Variants in SNTB2 observed in about 807,000 individuals in gnomAD.
SNTB2 encodes the protein syntrophin beta 2, also known as beta-2-syntrophin.
Under a neutral mutation model 46.2 loss-of-function variants are expected in SNTB2, and 34 were observed. That is an observed-to-expected ratio of 0.74 (90% CI 0.56 to 0.98). The LOEUF (loss-of-function observed/expected upper bound fraction) is 0.98, where lower values mean the gene tolerates loss of function less well. Ranked by LOEUF, SNTB2 falls within the 50% of genes least tolerant of loss-of-function variation. SNTB2 has a pLI of 0.00. For missense variants in SNTB2, 603 were observed against 731.4 expected (o/e 0.82, Z 2.02); for synonymous variants, 290 against 312.6 (o/e 0.93, Z 0.76).
rs575136798 is a variant in SNTB2 at position 69,274,422 on chromosome 16, G to A, written c.1148+4137G>A. ...TAATCCCAGCACTTTGGGAGGCCAC[G>A]GCGGGTGGATCACGAGGTCAGGAGA... On this transcript the variant is annotated intron_variant, in intron 4 of 6. Transcript: ENST00000336278. Among the ~76,000 whole-genome samples, 105 of 151,946 alleles carry A rather than the reference G, an allele frequency of 6.9e-4. 1 individual carries two copies. The highest frequency in any genetic ancestry group is 2.5e-3 in the African/African-American group (103 of 41,452).
At chr16:69,188,366 T>C (rs1964015695) in intron 1 of SNTB2, among the ~76,000 whole-genome samples, 1 of 152,216 alleles carries the variant, frequency 6.6e-6, no homozygotes, top group Non-Finnish European at 1.5e-5. Context: ...TACTGCCAAC[T>C]AGAGTTTTGC....
rs1965324969 is a variant in SNTB2, at chr16:69,307,489, A to T, written c.*6565A>T. 6.6e-6 allele frequency: 1 copy of T among 151,934 alleles called. No individual in the cohort carries two copies. 9.4% of individuals were successfully genotyped at this position (151,934 alleles called of 1,614,324 possible). On this transcript the variant is annotated 3_prime_UTR_variant, in exon 7 of 7. Transcript: ENST00000336278. ...AATTAAGTTTTATTGCACAAAGTAGATAAATGAGAAAGTCTTTCTTAAAAA... is the reference window on the plus strand; with the variant it reads ...AATTAAGTTTTATTGCACAAAGTAGTTAAATGAGAAAGTCTTTCTTAAAAA...
intron 1 of SNTB2, chr16:69,230,818 C>A: frequency 6.6e-6 from 1 of 150,994 alleles, no homozygotes; most frequent in Non-Finnish European, 1.5e-5. Flanking sequence ...GATCTCCGCT[C>A]ACTGCAAGCT....
intron 5 of SNTB2, among the ~76,000 whole-genome samples, chr16:69,285,920 A>G (rs1965098429): frequency 6.6e-6 from 1 of 152,034 alleles, no homozygotes; most frequent in Admixed American, 6.5e-5. Flanking sequence ...AGCCTTCTGA[A>G]TAGCTGGGAT....
At position 69,239,136 on chromosome 16, in the gene SNTB2, C is replaced by T. The variant is rs149463146; in HGVS notation, c.581-6466C>T. On this transcript the variant is annotated intron_variant, in intron 1 of 6. Coordinates refer to ENST00000336278, the MANE Select transcript of SNTB2 (RefSeq NM_006750.4). ...GTCTCCCTGGCTGGAATGTTTCTCC[C>T]AGATATTTGCATGGCCAACTCCCCC... Among the ~76,000 whole-genome samples the T allele has an allele frequency of 1.2e-4, 18 of 152,258 alleles. No homozygotes were observed. The East Asian group carries it at 3.3e-3, about 28-fold the overall frequency.
chr16:69,272,322 T>C (rs1964944840), intron 4 of SNTB2, among the ~76,000 whole-genome samples: 1 of 151,888 alleles, frequency 6.6e-6, no homozygotes, highest in Non-Finnish European at 1.5e-5. Flanking sequence ...AGGCCTATCA[T>C]CTGAGGTCAG....
intron 1 of SNTB2, chr16:69,240,870 G>A (rs1964605617): frequency 6.6e-6 from 1 of 152,382 alleles, no homozygotes. Flanking sequence ...TTATTTGTTT[G>A]TTTGTTTGAG....
intron 4 of SNTB2, among the ~76,000 whole-genome samples, chr16:69,281,995 T>G (rs1965053351): frequency 7.1e-6 from 1 of 140,636 alleles, no homozygotes; most frequent in Non-Finnish European, 1.5e-5. Flanking sequence ...ACCTCCACCT[T>G]CCCGGGTTCA....
Position 69,229,715 on chromosome 16 carries a change from G to A in SNTB2, c.581-15887G>A, listed in dbSNP as rs866153820. The stretch of plus-strand genomic sequence containing the variant: ...AAATTATCTGGGCATAGTGGCGCAC[G>A]CCTGTAGTCTCAGCTACTTGGGAGG... On this transcript the variant is annotated intron_variant, in intron 1 of 6. Transcript: ENST00000336278. Among the ~76,000 whole-genome samples the A allele has an allele frequency of 6.0e-5, 9 of 151,232 alleles. No homozygotes were observed. In the South Asian group the frequency reaches 6.3e-4, roughly 11 times the overall value.
At chr16:69,298,415 C>T (rs1965247011) in intron 5 of SNTB2, among the ~76,000 whole-genome samples, 1 of 152,008 alleles carries the variant, frequency 6.6e-6, no homozygotes, top group Non-Finnish European at 1.5e-5. Flanking sequence ...TGTCACGGCT[C>T]CTGAAAGGCC....
At chr16:69,235,695 T>G in intron 1 of SNTB2, 1 of 1,273,132 alleles carries the variant, frequency 7.9e-7, no homozygotes, top group South Asian at 1.3e-5. Flanking sequence ...TTCAAACTGC[T>G]GTATCCCCAG....
chr16:69,307,389 A>G lies in SNTB2; in HGVS notation c.*6465A>G, dbSNP rs1336357274. 1 of 152,046 alleles carries G rather than the reference A, an allele frequency of 6.6e-6. No individual in the cohort carries two copies. Among genetic ancestry groups the G allele is most frequent in the Non-Finnish European group, 1.5e-5 (1 of 67,978 alleles). The allele number at this position is 152,046 out of a possible 1,614,324, so 9.4% of individuals were successfully genotyped here. On this transcript the variant is annotated 3_prime_UTR_variant, in exon 7 of 7. Transcript: ENST00000336278. Reference sequence around the variant, plus strand: ...TTTCATCATGCATGATTTTTTTTTTAGTGCAAATTTAGACTTTAGTTTGGG... The same window carrying G: ...TTTCATCATGCATGATTTTTTTTTTGGTGCAAATTTAGACTTTAGTTTGGG...
At chr16:69,238,013 CCTTG>C (rs2152295891) in intron 1 of SNTB2, among the ~76,000 whole-genome samples, 1 of 152,290 alleles carries the variant, frequency 6.6e-6, no homozygotes, top group African/African-American at 2.4e-5. Context: ...GTACTCACTT[CCTTG>C]CTTGTGCTGG....
intron 1 of SNTB2, among the ~76,000 whole-genome samples, chr16:69,238,851 T>C (rs150326026): frequency 2.6e-5 from 4 of 152,306 alleles, no homozygotes; most frequent in African/African-American, 9.6e-5. Context: ...GTCTTCCTGC[T>C]TTTGCCTTGG....
At chr16:69,277,045 CAT>C (rs1189288189) in intron 4 of SNTB2, among the ~76,000 whole-genome samples, 1 of 152,168 alleles carries the variant, frequency 6.6e-6, no homozygotes, top group Non-Finnish European at 1.5e-5. Flanking sequence ...AGGAAAAGCA[CAT>C]GTGTGATTGA....
At chr16:69,296,700 C>A (rs562150837) in intron 5 of SNTB2, among the ~76,000 whole-genome samples, 1 of 144,282 alleles carries the variant, frequency 6.9e-6, no homozygotes, top group African/African-American at 2.6e-5. Context: ...GCAGCCTGGC[C>A]GACAGAGAGA....
At chr16:69,249,243 C>T (rs560644351) in intron 2 of SNTB2, among the ~76,000 whole-genome samples, 1 of 152,108 alleles carries the variant, frequency 6.6e-6, no homozygotes, top group Admixed American at 6.5e-5. Flanking sequence ...CCAGAGTGGT[C>T]TCCAACTCCT....
chr16:69,239,836 C>T (rs1010516345), intron 1 of SNTB2, among the ~76,000 whole-genome samples: 20 of 152,118 alleles, frequency 1.3e-4, no homozygotes, highest in Non-Finnish European at 2.6e-4. Context: ...TGAGCCACGA[C>T]GCCTGGCTAG....
intron 6 of SNTB2, 91 bp from the exon 7 acceptor site, chr16:69,300,741 T>G (rs773669843): frequency 3.4e-6 from 3 of 892,468 alleles, no homozygotes; most frequent in Non-Finnish European, 5.6e-6. Context: ...GGCACATTCT[T>G]TACCTACCTT....
Sources: allele counts gnomAD v4.1 joint callset (sites outside exome capture counted in the v4.1 genomes callset), GRCh38; gene constraint gnomAD v4.1.1; transcripts MANE v1.5; gene names NCBI Gene and HGNC (gene_info 2026-07-23, HGNC 2026-07-21).